Variants in HS2ST1 observed in about 807,000 individuals in gnomAD.
The protein encoded by HS2ST1 is 2-O-sulfotransferase.
Under a neutral mutation model 42.9 loss-of-function variants are expected in HS2ST1, and 18 were observed. The ratio of observed to expected loss-of-function variants is 0.42; its 90% confidence interval spans 0.29 to 0.62. The LOEUF (loss-of-function observed/expected upper bound fraction) is 0.62. Ranked by LOEUF, HS2ST1 falls within the 20% of genes least tolerant of loss-of-function variation. HS2ST1 has a pLI of 0.21. For synonymous variants in HS2ST1, 146 were observed against 152.9 expected, an observed-to-expected ratio of 0.95 and a Z score of 0.33; for missense variants, 334 against 433.8, an observed-to-expected ratio of 0.77 and a Z score of 2.04.
At chr1:87,090,782 TG>T (rs1319672177) in intron 3 of HS2ST1, among the ~76,000 whole-genome samples, 1 of 151,980 alleles carries the variant, frequency 6.6e-6, no homozygotes, top group East Asian at 1.9e-4. Flanking sequence ...TTATCTTCCA[TG>T]GTATTCCCTT....
chr1:86,943,656 A>C (rs992027691), intron 1 of HS2ST1, among the ~76,000 whole-genome samples: 3 of 151,834 alleles, frequency 2.0e-5, no homozygotes, highest in African/African-American at 7.3e-5. Flanking sequence ...GGAGATTGAG[A>C]GTACAGTGAG....
At chr1:86,945,633 G>T (rs1455497404) in intron 1 of HS2ST1, among the ~76,000 whole-genome samples, 1 of 152,140 alleles carries the variant, frequency 6.6e-6, no homozygotes, top group Non-Finnish European at 1.5e-5. Flanking sequence ...TCTTGAACTT[G>T]TACTTATAGA....
chr1:86,939,023 T>A (rs1314845267), intron 1 of HS2ST1, among the ~76,000 whole-genome samples: 1 of 152,202 alleles, frequency 6.6e-6, no homozygotes, highest in Non-Finnish European at 1.5e-5. Flanking sequence ...TTGTTTTTTT[T>A]AGAAATACAG....
intron 1 of HS2ST1, among the ~76,000 whole-genome samples, chr1:87,034,030 A>C (rs1040803113): frequency 2.0e-5 from 3 of 152,226 alleles, no homozygotes; most frequent in Non-Finnish European, 4.4e-5. Context: ...TCTAATGAGT[A>C]ATATTTTGCA....
intron 1 of HS2ST1, among the ~76,000 whole-genome samples, chr1:87,035,710 A>G (rs1650356705): frequency 6.6e-6 from 1 of 152,172 alleles, no homozygotes; most frequent in African/African-American, 2.4e-5. Context: ...TATCCTAAGT[A>G]TGACCCATTA....
chr1:87,027,197 A>G (rs1347746709), intron 1 of HS2ST1, among the ~76,000 whole-genome samples: 6 of 152,148 alleles, frequency 3.9e-5, no homozygotes, highest in Non-Finnish European at 5.9e-5. Context: ...ACTTTTTCTT[A>G]TGAGAGGCTT....
At chr1:87,046,396 G>T in intron 1 of HS2ST1, 2 of 798,922 alleles carry the variant, frequency 2.5e-6, no homozygotes. Flanking sequence ...CCCTGAAGCT[G>T]CCTGGGAACC....
chr1:87,092,756 T>C (rs1184067000), intron 4 of HS2ST1, 87 bp downstream of exon 4: 3 of 836,980 alleles, frequency 3.6e-6, no homozygotes, highest in Non-Finnish European at 4.9e-6. Flanking sequence ...TTGTTAATTA[T>C]AAATTTATTA....
At chr1:86,992,189 C>A in intron 1 of HS2ST1, among the ~76,000 whole-genome samples, 1 of 150,120 alleles carries the variant, frequency 6.7e-6, no homozygotes, top group African/African-American at 2.4e-5. Flanking sequence ...ACTACCCCCA[C>A]CCCCAAATTC....
rs563144731 is a variant in HS2ST1, at chr1:87,091,571, A to G, written c.450-960A>G. Reference sequence around the variant, plus strand: ...ATAGATTGAAAGGGAGAGAAACTGAATGTTAGAAAACTATATTCTTGCAGT... The same window carrying G: ...ATAGATTGAAAGGGAGAGAAACTGAGTGTTAGAAAACTATATTCTTGCAGT... On this transcript the variant is annotated intron_variant, in intron 3 of 6. Coordinates refer to ENST00000370550, the MANE Select transcript of HS2ST1 (RefSeq NM_012262.4). Among the ~76,000 whole-genome samples the G allele has an allele frequency of 1.6e-4, 24 of 152,138 alleles. No individual in the cohort carries two copies. In the South Asian group the frequency reaches 4.8e-3, roughly 30 times the overall value.
intron 1 of HS2ST1, among the ~76,000 whole-genome samples, chr1:86,952,716 A>G (rs572614211): frequency 1.3e-5 from 2 of 152,312 alleles, no homozygotes; most frequent in African/African-American, 2.4e-5. Flanking sequence ...TTCCTGAGCA[A>G]TAGGTCTCAA....
chr1:87,021,416 C>T (rs569317092), intron 1 of HS2ST1, among the ~76,000 whole-genome samples: 1 of 152,274 alleles, frequency 6.6e-6, no homozygotes, highest in Admixed American at 6.5e-5. Context: ...GCCTTTTAAA[C>T]CAGCTACTCA....
chr1:87,064,969 G>C (rs1406165537), intron 1 of HS2ST1, among the ~76,000 whole-genome samples: 1 of 152,118 alleles, frequency 6.6e-6, no homozygotes, highest in Non-Finnish European at 1.5e-5. Context: ...ACCTGGCCAG[G>C]CTAACAATAC....
At chr1:87,085,761 A>G (rs574916750) in intron 3 of HS2ST1, among the ~76,000 whole-genome samples, 11 of 152,186 alleles carry the variant, frequency 7.2e-5, no homozygotes, top group Non-Finnish European at 1.6e-4. Flanking sequence ...TTGGTTTCTA[A>G]TAGTCTAGGT....
intron 1 of HS2ST1, among the ~76,000 whole-genome samples, chr1:86,932,791 C>T (rs1570429570): frequency 6.6e-6 from 1 of 152,066 alleles, no homozygotes; most frequent in Non-Finnish European, 1.5e-5. Context: ...ACCTGTCTTT[C>T]TCAGAAGCTT....
intron 1 of HS2ST1, among the ~76,000 whole-genome samples, chr1:86,974,528 C>T (rs1648336651): frequency 6.6e-6 from 1 of 152,130 alleles, no homozygotes. Flanking sequence ...TGGAGGATGT[C>T]ATGGAAACCT....
chr1:86,914,948 C>T lies in HS2ST1; in HGVS notation c.-89C>T, dbSNP rs548649. On this transcript the variant is annotated 5_prime_UTR_variant, in exon 1 of 7. Coordinates refer to ENST00000370550, the MANE Select transcript of HS2ST1 (RefSeq NM_012262.4). The stretch of plus-strand genomic sequence containing the variant: ...CGCTCTCTCTTTGCCTCGCTCCCGG[C>T]TCGGCGGGCTCCTCCCGGCGTCTCT... 0.065 allele frequency: 98,814 copies of T among 1,524,754 alleles called. 3,515 individuals are homozygous for T. The highest frequency in any genetic ancestry group is 0.092 in the African/African-American group (6,706 of 72,770). The allele number at this position is 1,524,754 out of a possible 1,614,324, so 94.5% of individuals were successfully genotyped here. A position where few individuals can be genotyped will look rare whatever the true frequency, so the allele number is the denominator to read the frequency against.
At chr1:86,919,444 A>G (rs1449075092) in intron 1 of HS2ST1, among the ~76,000 whole-genome samples, 2 of 152,122 alleles carry the variant, frequency 1.3e-5, no homozygotes, top group African/African-American at 2.4e-5. Flanking sequence ...AGTTTATTAC[A>G]TTTGGCTCTT....
intron 1 of HS2ST1, among the ~76,000 whole-genome samples, chr1:87,013,143 C>G (rs921089079): frequency 6.6e-6 from 1 of 152,206 alleles, no homozygotes; most frequent in African/African-American, 2.4e-5. Flanking sequence ...AGGTAGTTCC[C>G]CAGTGGGGAC....
Sources: gnomAD v4.1 joint callset for allele counts (sites outside exome capture counted in the v4.1 genomes callset) on GRCh38, gnomAD v4.1.1 for gene constraint, MANE v1.5 for transcripts, NCBI Gene and HGNC (gene_info 2026-07-23, HGNC 2026-07-21) for gene names.